Variants in CCDC88A observed in about 807,000 individuals in gnomAD.
The protein encoded by CCDC88A is coiled-coil and HOOK domain protein 88A, also known as girdin.
A neutral mutation model predicts 234.3 loss-of-function variants in CCDC88A; 54 were observed. That is an observed-to-expected ratio of 0.23 (90% CI 0.19 to 0.29). The LOEUF (loss-of-function observed/expected upper bound fraction) is 0.29. Among genes scored for constraint, CCDC88A ranks in the 10% least tolerant of loss-of-function variants. The pLI, the probability that CCDC88A is intolerant of heterozygous loss-of-function variation, is 1.00. For missense variants in CCDC88A, 1,832 were observed against 2,123.4 expected, an observed-to-expected ratio of 0.86 and a Z score of 2.70; for synonymous variants, 753 against 737.8, an observed-to-expected ratio of 1.02 and a Z score of -0.33.
At chr2:55,401,921 A>G (rs1333561554) in intron 2 of CCDC88A, among the ~76,000 whole-genome samples, 2 of 152,324 alleles carry the variant, frequency 1.3e-5, no homozygotes, top group Admixed American at 6.5e-5. Flanking sequence ...GGACACAAAA[A>G]TAATTAAAAT....
intron 15 of CCDC88A, among the ~76,000 whole-genome samples, chr2:55,333,712 C>T (rs1685190946): frequency 6.6e-6 from 1 of 151,952 alleles, no homozygotes; most frequent in African/African-American, 2.4e-5. Flanking sequence ...TATGTATATA[C>T]AACTTATATG....
At chr2:55,297,288 TA>T (rs2104554844) in intron 29 of CCDC88A, 1 of 112,790 alleles carries the variant, frequency 8.9e-6, no homozygotes, top group Admixed American at 1.3e-4. Flanking sequence ...ATATATAATA[TA>T]TATAATTTAT....
At chr2:55,407,793 C>A (rs1679847095) in intron 2 of CCDC88A, among the ~76,000 whole-genome samples, 1 of 148,960 alleles carries the variant, frequency 6.7e-6, no homozygotes, top group South Asian at 2.2e-4. Flanking sequence ...TCTCAGCTCA[C>A]TGCAGCCTCC....
intron 25 of CCDC88A, among the ~76,000 whole-genome samples, chr2:55,306,823 G>A (rs1002550560): frequency 4.6e-5 from 7 of 152,226 alleles, no homozygotes; most frequent in African/African-American, 1.4e-4. Context: ...TGATCTGCCC[G>A]CCTCAGCCTC....
At chr2:55,310,413 T>C (rs1036980068) in intron 23 of CCDC88A, among the ~76,000 whole-genome samples, 1 of 151,942 alleles carries the variant, frequency 6.6e-6, no homozygotes, top group African/African-American at 2.4e-5. Flanking sequence ...AAAACTCTGT[T>C]TTTACAAAAA....
In CCDC88A at chr2:55,335,591, G is replaced by A. The variant is rs1241136581; in HGVS notation, c.1657-427C>T. ...CCTACAGTGGGTCCTCAGTAAATAT[G>A]TGCTGTATTACATGTGTATATATGG... On this transcript the variant is annotated intron_variant, in intron 14 of 32. Coordinates refer to ENST00000436346, the MANE Select transcript of CCDC88A (RefSeq NM_001365480.1). The surrounding 1 kb of genome is among the most constrained non-coding windows in gnomAD (Gnocchi z 4.5). Among the ~76,000 whole-genome samples, 1 of 152,156 alleles carries A rather than the reference G, an allele frequency of 6.6e-6. No individual in the cohort carries two copies. The highest frequency in any genetic ancestry group is 1.5e-5 in the Non-Finnish European group (1 of 68,036).
chr2:55,396,837 T>TGCA (rs1677670858), intron 2 of CCDC88A, among the ~76,000 whole-genome samples: 1 of 126,884 alleles, frequency 7.9e-6, no homozygotes, highest in Admixed American at 1.1e-4. Context: ...GCCACTGCAC[T>TGCA]GCAGCCTGGG....
At position 55,332,803 on chromosome 2, in the gene CCDC88A, C is replaced by A; in HGVS notation, c.2728-110G>T. ...ATCTAGGAATACATGTAATTTGAACCAGGAAATGTCATTAAACCATTCCTT... is the reference window on the plus strand; with the variant it reads ...ATCTAGGAATACATGTAATTTGAACAAGGAAATGTCATTAAACCATTCCTT... On this transcript the variant is annotated intron_variant, in intron 15 of 32. Coordinates refer to ENST00000436346, the MANE Select transcript of CCDC88A (RefSeq NM_001365480.1). This position sits in a 1 kb window ranked among gnomAD's most constrained non-coding sequence, Gnocchi z 4.5. 1.1e-6 allele frequency: 1 copy of A among 883,412 alleles called. No homozygotes were observed. The allele number at this position is 883,412 out of a possible 1,614,324, so 54.7% of individuals were successfully genotyped here. A position where few individuals can be genotyped will look rare whatever the true frequency, so the allele number is the denominator to read the frequency against.
intron 25 of CCDC88A, chr2:55,308,563 G>A (rs550884080): frequency 7.1e-5 from 30 of 420,446 alleles, no homozygotes; most frequent in African/African-American, 6.1e-4. Context: ...AGGTATTCCA[G>A]CTCTTATTTT....
intron 3 of CCDC88A, among the ~76,000 whole-genome samples, 185 bp from the exon 4 acceptor site, chr2:55,375,068 T>C (rs1673414544): frequency 6.6e-6 from 1 of 152,146 alleles, no homozygotes. Context: ...ACTAAAATTA[T>C]AATACCAGAT....
At chr2:55,402,553 C>T (rs1678879888) in intron 2 of CCDC88A, among the ~76,000 whole-genome samples, 1 of 152,156 alleles carries the variant, frequency 6.6e-6, no homozygotes. Flanking sequence ...TTTTCTTTCT[C>T]TGTTTTACAT....
intron 2 of CCDC88A, among the ~76,000 whole-genome samples, chr2:55,397,898 T>G (rs1406041781): frequency 6.6e-6 from 1 of 152,152 alleles, no homozygotes; most frequent in Admixed American, 6.5e-5. Context: ...TATTAAGTTT[T>G]TTTAGACTTT....
At chr2:55,316,714 A>C (rs1450789438) in intron 21 of CCDC88A, among the ~76,000 whole-genome samples, 1 of 152,150 alleles carries the variant, frequency 6.6e-6, no homozygotes, top group Non-Finnish European at 1.5e-5. Context: ...CAGCTTGGGC[A>C]AAAGAGTAAG....
chr2:55,368,312 T>G (rs1318732949), intron 5 of CCDC88A, among the ~76,000 whole-genome samples: 3 of 152,212 alleles, frequency 2.0e-5, no homozygotes, highest in Non-Finnish European at 4.4e-5. Context: ...AGTCATAATT[T>G]ATTTTGTCAG....
At chr2:55,377,599 ATTTATT>A (rs1289883954) in intron 3 of CCDC88A, among the ~76,000 whole-genome samples, 1 of 151,780 alleles carries the variant, frequency 6.6e-6, no homozygotes, top group Non-Finnish European at 1.5e-5. Context: ...TTAATTTTTT[ATTTATT>A]TTTATTTTTA....
At chr2:55,293,441 C>A (rs1679665764) in intron 31 of CCDC88A, 1 of 150,592 alleles carries the variant, frequency 6.6e-6, no homozygotes, top group Non-Finnish European at 1.5e-5. Context: ...TTAGGTGGTA[C>A]TAAAATATGA....
chr2:55,339,474 A>G lies in CCDC88A; in HGVS notation c.1508T>C (p.Leu503Pro), dbSNP rs1668206418. The stretch of plus-strand genomic sequence containing the variant: ...TACATTTTAATTTACCTTTTTACTG[A>G]GCCTTTGATTTTCTTTTTCCATTTT... ...ILKMEKENQR[L>P]SKKVEILENE... Residue 503 changes from leucine (L) to proline (P), a missense_variant, in exon 13 of 33, where the codon CTC becomes CCC. Physicochemically the swap from Leu to Pro is moderately conservative, Grantham distance 98 (BLOSUM62 -3). Coordinates refer to ENST00000436346, the MANE Select transcript of CCDC88A (RefSeq NM_001365480.1). 1 of 1,556,422 alleles carries G rather than the reference A, an allele frequency of 6.4e-7. No individual in the cohort carries two copies. Among genetic ancestry groups the G allele is most frequent in the East Asian group, 2.3e-5 (1 of 43,722 alleles).
At chr2:55,330,794 CTG>C (rs1187277569) in intron 16 of CCDC88A, among the ~76,000 whole-genome samples, 1 of 152,162 alleles carries the variant, frequency 6.6e-6, no homozygotes, top group African/African-American at 2.4e-5. Flanking sequence ...ACTTCCTATC[CTG>C]TCTCTGTGCT....
intron 7 of CCDC88A, chr2:55,356,385 T>C (rs191209851): frequency 1.3e-5 from 2 of 152,322 alleles, no homozygotes; most frequent in East Asian, 3.9e-4. Context: ...ACAGTTTCTT[T>C]ATCCAATCTA....
Sources: allele counts gnomAD v4.1 joint callset (sites outside exome capture counted in the v4.1 genomes callset), GRCh38; gene constraint gnomAD v4.1.1; non-coding constraint Gnocchi (gnomAD v3.1); transcripts MANE v1.5; gene names NCBI Gene and HGNC (gene_info 2026-07-23, HGNC 2026-07-21).